GALNT13: variants seen among roughly 807,000 people sequenced by gnomAD.
GALNT13 encodes the protein UDP-GalNAc:polypeptide N-acetylgalactosaminyltransferase 13.
GALNT13 carries 28 observed loss-of-function variants against 64.2 expected under a neutral mutation model. The observed-to-expected ratio is 0.44, with a 90% CI of 0.32 to 0.60. The LOEUF (loss-of-function observed/expected upper bound fraction) is 0.60. Among genes scored for constraint, GALNT13 ranks in the 20% least tolerant of loss-of-function variants. The pLI, the probability that GALNT13 is intolerant of heterozygous loss-of-function variation, is 0.05. For missense variants in GALNT13, 577 were observed against 669.8 expected, an observed-to-expected ratio of 0.86 and a Z score of 1.53; for synonymous variants, 214 against 224.6, an observed-to-expected ratio of 0.95 and a Z score of 0.42.
At chr2:153,773,562 A>G in the GALNT13 span, among the ~76,000 whole-genome samples, 5 of 152,300 alleles carry the variant, frequency 3.3e-5, no homozygotes, top group African/African-American at 1.2e-4. Context: ...AGATGTCAGG[A>G]AGAAAAGATT....
At chr2:153,839,075 TGTA>T in the GALNT13 span, among the ~76,000 whole-genome samples, 11 of 151,896 alleles carry the variant, frequency 7.2e-5, no homozygotes, top group African/African-American at 2.7e-4. Context: ...GGTAGTGTGT[TGTA>T]GTGTACGTAA....
chr2:153,654,122 A>T, the GALNT13 span, among the ~76,000 whole-genome samples: 1 of 152,134 alleles, frequency 6.6e-6, no homozygotes, highest in Non-Finnish European at 1.5e-5. Flanking sequence ...AACCGTGAGT[A>T]TGAAATATGG....
At chr2:154,153,411 A>G (rs1035070324) in intron 4 of GALNT13, among the ~76,000 whole-genome samples, 1 of 152,186 alleles carries the variant, frequency 6.6e-6, no homozygotes, top group Non-Finnish European at 1.5e-5. Context: ...CAGTCTGCCC[A>G]TTCTCAGATC....
chr2:153,886,871 A>C (rs1687215064), intron 1 of GALNT13, among the ~76,000 whole-genome samples: 1 of 151,914 alleles, frequency 6.6e-6, no homozygotes. Context: ...AGATAAGATA[A>C]ATGTAGAGAT....
chr2:153,895,183 T>G (rs906249904), intron 1 of GALNT13, among the ~76,000 whole-genome samples: 1 of 152,098 alleles, frequency 6.6e-6, no homozygotes, highest in South Asian at 2.1e-4. Context: ...TGGTAATATC[T>G]AGTGTTGCTG....
chr2:153,649,101 T>G, the GALNT13 span, among the ~76,000 whole-genome samples: 3 of 152,090 alleles, frequency 2.0e-5, no homozygotes, highest in African/African-American at 4.8e-5. Flanking sequence ...GTCCTGGACT[T>G]TTTTGGTTGG....
intron 1 of GALNT13, among the ~76,000 whole-genome samples, chr2:153,896,480 A>G (rs949042628): frequency 6.6e-6 from 1 of 151,962 alleles, no homozygotes; most frequent in Non-Finnish European, 1.5e-5. Context: ...ACACTAAATG[A>G]TATATAGTAT....
chr2:153,613,311 T>A, the GALNT13 span, among the ~76,000 whole-genome samples: 1 of 152,178 alleles, frequency 6.6e-6, no homozygotes, highest in African/African-American at 2.4e-5. Flanking sequence ...ATCAACAGGG[T>A]ATCCAGATTT....
At chr2:153,413,896 T>C in the GALNT13 span, among the ~76,000 whole-genome samples, 14 of 152,268 alleles carry the variant, frequency 9.2e-5, 1 homozygote, top group South Asian at 2.9e-3. Context: ...CCACAATTGA[T>C]TCAGAATGTA....
the GALNT13 span, among the ~76,000 whole-genome samples, chr2:153,129,956 A>G: frequency 6.6e-6 from 1 of 152,182 alleles, no homozygotes; most frequent in Non-Finnish European, 1.5e-5. Context: ...TGCAGAGAGG[A>G]AAGAGGCATC....
chr2:153,982,914 G>A (rs1694562254), intron 3 of GALNT13, among the ~76,000 whole-genome samples: 1 of 151,790 alleles, frequency 6.6e-6, no homozygotes, highest in South Asian at 2.1e-4. Context: ...TAAGTTACCG[G>A]GTATATTTAA....
rs139722651 is a variant in GALNT13 at position 154,012,450 on chromosome 2, G to A, written c.142+67811G>A. On this transcript the variant is annotated intron_variant, in intron 3 of 12. Transcript: ENST00000392825. ...CTGAAAGTTTCATTGTTAGCCTGAC[G>A]GGGTTTCCTTTGTAGGTGACCTGCC... Among the ~76,000 whole-genome samples, 1,118 of 152,194 alleles carry A rather than the reference G, an allele frequency of 7.3e-3. 10 individuals are homozygous for A. Among genetic ancestry groups the A allele is most frequent in the Non-Finnish European group, 0.01 (703 of 68,002 alleles).
At chr2:153,452,739 C>T in the GALNT13 span, among the ~76,000 whole-genome samples, 3 of 151,930 alleles carry the variant, frequency 2.0e-5, no homozygotes, top group African/African-American at 7.2e-5. Context: ...TATTAAGCAA[C>T]CAATATTGTT....
At chr2:154,023,665 C>T (rs1478805207) in intron 3 of GALNT13, among the ~76,000 whole-genome samples, 7 of 152,128 alleles carry the variant, frequency 4.6e-5, no homozygotes, top group Non-Finnish European at 8.8e-5. Flanking sequence ...CAGTCTGTGT[C>T]TTTTAATTGG....
chr2:154,336,406 T>C (rs554299027), intron 9 of GALNT13, among the ~76,000 whole-genome samples: 1 of 152,096 alleles, frequency 6.6e-6, no homozygotes, highest in Admixed American at 6.6e-5. Context: ...ACGTCAGAGA[T>C]ATTCTTGGCT....
chr2:153,142,815 T>C, the GALNT13 span, among the ~76,000 whole-genome samples: 4 of 151,882 alleles, frequency 2.6e-5, no homozygotes, highest in Non-Finnish European at 4.4e-5. Flanking sequence ...TTAGGAGATA[T>C]GAAATCAAAA....
At chr2:154,300,620 T>TAGAG (rs147044069) in intron 8 of GALNT13, among the ~76,000 whole-genome samples, 2,920 of 152,102 alleles carry the variant, frequency 0.019, 68 homozygotes, top group African/African-American at 0.059. Context: ...TGCACATATA[T>TAGAG]AGAAATAGTA....
chr2:153,716,035 A>C, the GALNT13 span, among the ~76,000 whole-genome samples: 1 of 152,186 alleles, frequency 6.6e-6, no homozygotes, highest in Non-Finnish European at 1.5e-5. Flanking sequence ...ATTGGTAACA[A>C]AAGTTTGAGG....
At chr2:153,107,486 A>C in the GALNT13 span, among the ~76,000 whole-genome samples, 2 of 152,140 alleles carry the variant, frequency 1.3e-5, no homozygotes, top group Non-Finnish European at 2.9e-5. Flanking sequence ...TTTAAATTTG[A>C]GATTATCACT....
Sources: gnomAD v4.1 joint callset for allele counts (sites outside exome capture counted in the v4.1 genomes callset) on GRCh38, gnomAD v4.1.1 for gene constraint, MANE v1.5 for transcripts, NCBI Gene and HGNC (gene_info 2026-07-23, HGNC 2026-07-21) for gene names.